Variants in MAML3 observed in about 807,000 individuals in gnomAD.
The protein encoded by MAML3 is mastermind-like protein 3.
In MAML3, 27 loss-of-function variants were observed where a neutral mutation model predicts 101.9. The ratio of observed to expected loss-of-function variants is 0.27; its 90% confidence interval spans 0.20 to 0.37. The LOEUF (loss-of-function observed/expected upper bound fraction) is 0.37. Ranked by LOEUF, MAML3 falls within the 10% of genes least tolerant of loss-of-function variation. The probability of loss-of-function intolerance (pLI) is 1.00; values close to 1 mark genes in which losing one functional copy is unlikely to be tolerated. For synonymous variants in MAML3, 501 were observed against 555.9 expected (o/e 0.90, Z 1.39); for missense variants, 1,316 against 1,444.9 (o/e 0.91, Z 1.45).
chr4:139,938,272 A>G (rs1733543106), intron 1 of MAML3, among the ~76,000 whole-genome samples: 1 of 152,220 alleles, frequency 6.6e-6, no homozygotes, highest in Non-Finnish European at 1.5e-5. Flanking sequence ...CTGGGCCTCA[A>G]GCGCACAGAG....
intron 2 of MAML3, among the ~76,000 whole-genome samples, chr4:139,859,900 C>CGTCT (rs1438640796): frequency 6.6e-6 from 1 of 152,090 alleles, no homozygotes; most frequent in Non-Finnish European, 1.5e-5. Context: ...TTAGGGAAAC[C>CGTCT]GTCTGTACGA....
intron 2 of MAML3, among the ~76,000 whole-genome samples, chr4:139,842,706 T>C (rs1263290710): frequency 1.4e-5 from 2 of 140,618 alleles, no homozygotes. Context: ...TTAGTAGAGA[T>C]GAGGTTTCAC....
At chr4:139,753,344 C>G (rs185088847) in intron 2 of MAML3, among the ~76,000 whole-genome samples, 6 of 119,708 alleles carry the variant, frequency 5.0e-5, no homozygotes, top group South Asian at 2.9e-4. Flanking sequence ...TCTTTTTAAT[C>G]TATCTATCTA....
chr4:139,808,536 T>C (rs528650393), intron 2 of MAML3, among the ~76,000 whole-genome samples: 29 of 152,232 alleles, frequency 1.9e-4, no homozygotes, highest in African/African-American at 7.0e-4. Flanking sequence ...GGATGGGGGA[T>C]TTTTATGACC....
intron 1 of MAML3, among the ~76,000 whole-genome samples, chr4:139,941,899 TGAG>T (rs895812503): frequency 6.6e-6 from 1 of 152,126 alleles, no homozygotes; most frequent in African/African-American, 2.4e-5. Flanking sequence ...TTTGGGAGGC[TGAG>T]GTGGATGGAT....
At chr4:139,888,982 C>A (rs1453768804) in intron 2 of MAML3, among the ~76,000 whole-genome samples, 1 of 152,152 alleles carries the variant, frequency 6.6e-6, no homozygotes, top group African/African-American at 2.4e-5. Flanking sequence ...TCCCCTGCTT[C>A]CCACCACCCA....
chr4:139,729,926 C>A (rs750008667), intron 3 of MAML3, among the ~76,000 whole-genome samples: 34 of 152,194 alleles, frequency 2.2e-4, no homozygotes, highest in Non-Finnish European at 3.7e-4. Context: ...GTTCTGCAGG[C>A]CTTATTATTC....
At chr4:139,899,999 C>A (rs539113054) in intron 1 of MAML3, among the ~76,000 whole-genome samples, 226 of 152,318 alleles carry the variant, frequency 1.5e-3, no homozygotes, top group African/African-American at 5.1e-3. Flanking sequence ...GCCTCACCCT[C>A]TTAGTGGGCA....
chr4:139,776,487 A>G (rs1313072478), intron 2 of MAML3, among the ~76,000 whole-genome samples: 1 of 152,182 alleles, frequency 6.6e-6, no homozygotes, highest in Non-Finnish European at 1.5e-5. Flanking sequence ...TAGATAAGTG[A>G]AAAATAACAA....
At position 139,719,974 on chromosome 4, in the gene MAML3, G is replaced by A. The variant is rs751626068; in HGVS notation, c.2766C>T (p.Asn922=). Residue 922 remains asparagine (N), a synonymous_variant, in exon 5 of 5, where the codon AAC becomes AAT. Transcript: ENST00000509479. ...VSGFGQSMLV[N]SAITQQHPQM... is the part of the protein sequence containing the mutation. ...GTGGATGTTGCTGGGTAATGGCTGAGTTCACCAGCATGCTCTGACCAAAGC... is the reference window on the plus strand; with the variant it reads ...GTGGATGTTGCTGGGTAATGGCTGAATTCACCAGCATGCTCTGACCAAAGC... 1 of 1,614,102 alleles carries A rather than the reference G, an allele frequency of 6.2e-7. No homozygotes were observed. Among genetic ancestry groups the A allele is most frequent in the South Asian group, 1.1e-5 (1 of 91,088 alleles).
intron 1 of MAML3, among the ~76,000 whole-genome samples, chr4:139,902,996 G>A (rs543497169): frequency 6.6e-6 from 1 of 152,282 alleles, no homozygotes; most frequent in East Asian, 1.9e-4. Flanking sequence ...AAAGTCCAAT[G>A]AGCAGTGAAG....
At chr4:140,054,035 CTG>C (rs1254799263) in intron 1 of MAML3, among the ~76,000 whole-genome samples, 4 of 152,098 alleles carry the variant, frequency 2.6e-5, no homozygotes, top group Non-Finnish European at 4.4e-5. Flanking sequence ...TAAGACATGT[CTG>C]TATTTTATTA....
chr4:139,797,201 AT>A (rs1478301607), intron 2 of MAML3, among the ~76,000 whole-genome samples: 1 of 152,228 alleles, frequency 6.6e-6, no homozygotes, highest in East Asian at 1.9e-4. Flanking sequence ...TTTTAAAGTC[AT>A]AAAAACATGA....
intron 1 of MAML3, among the ~76,000 whole-genome samples, chr4:139,898,366 C>T (rs745876641): frequency 6.6e-6 from 1 of 152,240 alleles, no homozygotes; most frequent in Non-Finnish European, 1.5e-5. Context: ...CACTAGAGAA[C>T]ATACGAAGTG....
intron 1 of MAML3, among the ~76,000 whole-genome samples, chr4:140,032,803 T>C (rs1726927983): frequency 6.6e-6 from 1 of 151,804 alleles, no homozygotes; most frequent in Admixed American, 6.6e-5. Flanking sequence ...GCCTTTACAC[T>C]TTTTGATAAA....
intron 2 of MAML3, among the ~76,000 whole-genome samples, chr4:139,796,531 C>T (rs2111097422): frequency 6.6e-6 from 1 of 152,302 alleles, no homozygotes; most frequent in South Asian, 2.1e-4. Flanking sequence ...CTAGAGTACC[C>T]TATCAGAGAT....
At chr4:139,764,542 G>C (rs946431908) in intron 2 of MAML3, among the ~76,000 whole-genome samples, 1 of 152,196 alleles carries the variant, frequency 6.6e-6, no homozygotes, top group African/African-American at 2.4e-5. Flanking sequence ...CTGATGTGGG[G>C]CTAATAGAGA....
chr4:139,819,603 G>T (rs1730943315), intron 2 of MAML3, among the ~76,000 whole-genome samples: 1 of 152,052 alleles, frequency 6.6e-6, no homozygotes. Flanking sequence ...TTTCCAATTG[G>T]ACTATACTGC....
At chr4:139,751,979 A>G (rs1299031580) in intron 2 of MAML3, among the ~76,000 whole-genome samples, 2 of 152,160 alleles carry the variant, frequency 1.3e-5, no homozygotes, top group Non-Finnish European at 2.9e-5. Context: ...TATTACTACT[A>G]TGGTCTGAGC....
Sources: allele counts gnomAD v4.1 joint callset (sites outside exome capture counted in the v4.1 genomes callset), GRCh38; gene constraint gnomAD v4.1.1; transcripts MANE v1.5; gene names NCBI Gene and HGNC (gene_info 2026-07-23, HGNC 2026-07-21).